SLC16A10: variants seen among roughly 807,000 people sequenced by gnomAD.
The protein encoded by SLC16A10 is solute carrier family 16 member 10, also known as monocarboxylate transporter 10.
A neutral mutation model predicts 40.0 loss-of-function variants in SLC16A10; 27 were observed. That is an observed-to-expected ratio of 0.67 (90% CI 0.50 to 0.93). The LOEUF (loss-of-function observed/expected upper bound fraction) is 0.93, where lower values mean the gene tolerates loss of function less well. SLC16A10 is among the 40% of genes least tolerant of loss of function. SLC16A10 has a pLI of 0.00. For missense variants in SLC16A10, 529 were observed against 658.2 expected (o/e 0.80, Z 2.15); for synonymous variants, 213 against 249.8 (o/e 0.85, Z 1.39).
At chr6:111,190,519 C>T (rs1307403087) in intron 3 of SLC16A10, among the ~76,000 whole-genome samples, 1 of 152,246 alleles carries the variant, frequency 6.6e-6, no homozygotes, top group Non-Finnish European at 1.5e-5. Context: ...ACTGCCTTAG[C>T]AGAGGTTCTT....
chr6:111,175,767 A>G (rs74952979), intron 2 of SLC16A10, among the ~76,000 whole-genome samples: 2,340 of 151,588 alleles, frequency 0.015, 35 homozygotes, highest in Non-Finnish European at 0.026. Flanking sequence ...TGGTGTTATC[A>G]TAGCTGACTG....
At chr6:111,188,245 TTCTCTCTCCCTC>T (rs928298534) in intron 3 of SLC16A10, among the ~76,000 whole-genome samples, 72 of 150,900 alleles carry the variant, frequency 4.8e-4, no homozygotes, top group African/African-American at 1.7e-3. Context: ...TTCATTTACT[TTCTCTCTCCCTC>T]TCTCCCTCTC....
At position 111,177,673 on chromosome 6, in the gene SLC16A10, T is replaced by C; in HGVS notation, c.942+8T>C. Reference sequence around the variant, plus strand: ...GTGCCTTATGTTCACTTGGTGAGTATGCTCCTTCACTGATCATGAATATTA... The same window carrying C: ...GTGCCTTATGTTCACTTGGTGAGTACGCTCCTTCACTGATCATGAATATTA... On this transcript the variant is annotated splice_region_variant and intron_variant, in intron 3 of 5. Transcript: ENST00000368851. The C allele has an allele frequency of 6.5e-7, 1 of 1,529,974 alleles. No individual in the cohort carries two copies. Among genetic ancestry groups the C allele is most frequent in the Non-Finnish European group, 8.8e-7 (1 of 1,141,104 alleles). 94.8% of individuals were successfully genotyped at this position (1,529,974 alleles called of 1,614,324 possible). A position where few individuals can be genotyped will look rare whatever the true frequency, so the allele number is the denominator to read the frequency against.
Position 111,103,871 on chromosome 6 carries a change from T to C in SLC16A10, c.343+15776T>C, listed in dbSNP as rs1294388385. On this transcript the variant is annotated intron_variant, in intron 1 of 5. Coordinates refer to ENST00000368851, the MANE Select transcript of SLC16A10 (RefSeq NM_018593.5). ...AATACTGAATGTTCTGACTGTGGTT[T>C]ACTATGTATTTCAGGTTATTTTGTT... 4.3e-4 allele frequency among the ~76,000 whole-genome samples: 66 copies of C among 152,194 alleles called. 1 individual carries two copies. The highest frequency in any genetic ancestry group is 4.3e-3 in the Admixed American group (65 of 15,280).
chr6:111,101,017 T>TATATATATAA (rs1554255645), intron 1 of SLC16A10, among the ~76,000 whole-genome samples: 1 of 114,134 alleles, frequency 8.8e-6, no homozygotes, highest in Non-Finnish European at 1.9e-5. Flanking sequence ...TATATATATA[T>TATATATATAA]AAATATATGT....
chr6:111,149,445 A>T (rs1461887971), intron 1 of SLC16A10, among the ~76,000 whole-genome samples: 1 of 152,244 alleles, frequency 6.6e-6, no homozygotes, highest in Non-Finnish European at 1.5e-5. Context: ...CTTGTTCATC[A>T]TAATGGATCA....
chr6:111,147,582 G>A (rs919102897), intron 1 of SLC16A10, among the ~76,000 whole-genome samples: 1 of 152,090 alleles, frequency 6.6e-6, no homozygotes, highest in African/African-American at 2.4e-5. Context: ...AGCACTATTT[G>A]GAAATGAAAC....
At chr6:111,142,910 TG>T (rs903572338) in intron 1 of SLC16A10, among the ~76,000 whole-genome samples, 11 of 152,222 alleles carry the variant, frequency 7.2e-5, no homozygotes, top group Non-Finnish European at 1.2e-4. Flanking sequence ...CACAGAAACC[TG>T]CACATAGTTG....
intron 1 of SLC16A10, among the ~76,000 whole-genome samples, chr6:111,156,808 C>G (rs1772278797): frequency 6.6e-6 from 1 of 152,178 alleles, no homozygotes; most frequent in Non-Finnish European, 1.5e-5. Context: ...ATGTAACATA[C>G]TATCGTAAGA....
intron 1 of SLC16A10, among the ~76,000 whole-genome samples, chr6:111,139,372 G>A (rs1349632096): frequency 1.3e-5 from 2 of 151,906 alleles, no homozygotes; most frequent in Non-Finnish European, 2.9e-5. Flanking sequence ...CGTGATCTCG[G>A]CTCACTGCAC....
chr6:111,152,331 G>C (rs1226257206), intron 1 of SLC16A10, among the ~76,000 whole-genome samples: 1 of 152,170 alleles, frequency 6.6e-6, no homozygotes, highest in East Asian at 1.9e-4. Context: ...ATTAGTGTCT[G>C]TTTTGTTCAC....
At chr6:111,100,021 C>CAA (rs56154710) in intron 1 of SLC16A10, among the ~76,000 whole-genome samples, 54 of 112,566 alleles carry the variant, frequency 4.8e-4, no homozygotes, top group Non-Finnish European at 6.0e-4. Flanking sequence ...GACCCTGTCT[C>CAA]AAAAAAAAAA....
At chr6:111,140,759 T>C (rs573614491) in intron 1 of SLC16A10, among the ~76,000 whole-genome samples, 1 of 152,232 alleles carries the variant, frequency 6.6e-6, no homozygotes, top group South Asian at 2.1e-4. Flanking sequence ...AAGCAAAATA[T>C]CAAAGATGAT....
chr6:111,103,007 G>A (rs1349073259), intron 1 of SLC16A10, among the ~76,000 whole-genome samples: 1 of 152,128 alleles, frequency 6.6e-6, no homozygotes, highest in African/African-American at 2.4e-5. Context: ...CCAGGCTCAA[G>A]TGATCCTCCC....
chr6:111,168,629 G>A (rs1185261579), intron 1 of SLC16A10, among the ~76,000 whole-genome samples: 1 of 152,150 alleles, frequency 6.6e-6, no homozygotes, highest in East Asian at 1.9e-4. Context: ...TGCAATAGCA[G>A]GTGATAACTA....
chr6:111,094,470 C>T (rs1771037775), intron 1 of SLC16A10, among the ~76,000 whole-genome samples: 1 of 152,130 alleles, frequency 6.6e-6, no homozygotes. Context: ...GTGCATGATA[C>T]CTCTGGTTGT....
At chr6:111,195,121 A>T (rs74388408) in intron 3 of SLC16A10, among the ~76,000 whole-genome samples, 7,363 of 152,290 alleles carry the variant, frequency 0.048, 592 homozygotes, top group African/African-American at 0.17. Context: ...TTTTAGGGAA[A>T]AAAAAGAAAA....
At chr6:111,090,128 TTG>T (rs761331976) in intron 1 of SLC16A10, among the ~76,000 whole-genome samples, 1 of 151,976 alleles carries the variant, frequency 6.6e-6, no homozygotes, top group Non-Finnish European at 1.5e-5. Context: ...CTGTGGAACT[TTG>T]TGTTTTCCAT....
chr6:111,093,061 GAAA>G (rs1583298267), intron 1 of SLC16A10, among the ~76,000 whole-genome samples: 1 of 145,572 alleles, frequency 6.9e-6, no homozygotes, highest in African/African-American at 2.6e-5. Flanking sequence ...AAAAAGAAAA[GAAA>G]AAAAGAAAAA....
Sources: allele counts gnomAD v4.1 joint callset (sites outside exome capture counted in the v4.1 genomes callset), GRCh38; gene constraint gnomAD v4.1.1; transcripts MANE v1.5; gene names NCBI Gene and HGNC (gene_info 2026-07-23, HGNC 2026-07-21).